The following GPHN variants were observed in gnomAD, a reference collection of about 807,000 sequenced individuals.
GPHN encodes gephyrin.
A neutral mutation model predicts 95.5 loss-of-function variants in GPHN; 17 were observed. The ratio of observed to expected loss-of-function variants is 0.18; its 90% CI spans 0.12 to 0.27. GPHN has a LOEUF of 0.27. Among genes scored for constraint, GPHN ranks in the 10% least tolerant of loss-of-function variants. The pLI, the probability that GPHN is intolerant of heterozygous loss-of-function variation, is 1.00. For missense variants in GPHN, 660 were observed against 978.1 expected (o/e 0.67, Z 4.34); for synonymous variants, 320 against 322.5 (o/e 0.99, Z 0.08).
chr14:66,667,744 C>G (rs2153382062), intron 1 of GPHN, among the ~76,000 whole-genome samples: 1 of 152,182 alleles, frequency 6.6e-6, no homozygotes, highest in Non-Finnish European at 1.5e-5. Context: ...TAGGTACTGG[C>G]AAAGATTTCA....
At chr14:67,189,437 G>T in the GPHN span, 25 of 152,308 alleles carry the variant, frequency 1.6e-4, no homozygotes, top group African/African-American at 5.5e-4. Flanking sequence ...TTACTAAGTG[G>T]TTAGTTGCCT....
chr14:67,294,690 T>G, the GPHN span: 3 of 152,058 alleles, frequency 2.0e-5, no homozygotes, highest in Non-Finnish European at 4.4e-5. Context: ...TTTTTTTTTT[T>G]GAGATGGAGT....
the GPHN span, among the ~76,000 whole-genome samples, chr14:67,664,660 C>T: frequency 6.6e-6 from 1 of 152,002 alleles, no homozygotes; most frequent in African/African-American, 2.4e-5. Flanking sequence ...CCATGCCCGG[C>T]TAATTTTTTT....
At chr14:66,752,928 A>T (rs965393908) in intron 2 of GPHN, among the ~76,000 whole-genome samples, 8 of 132,794 alleles carry the variant, frequency 6.0e-5, no homozygotes, top group Non-Finnish European at 9.0e-5. Flanking sequence ...AAGCAATAGG[A>T]GTGGTTAAAA....
At chr14:66,547,375 T>C (rs990704146) in intron 1 of GPHN, among the ~76,000 whole-genome samples, 1 of 152,254 alleles carries the variant, frequency 6.6e-6, no homozygotes, top group African/African-American at 2.4e-5. Context: ...GCAGGTCTTT[T>C]CTATTGATTA....
At chr14:66,601,716 C>A (rs1320450167) in intron 1 of GPHN, among the ~76,000 whole-genome samples, 1 of 149,056 alleles carries the variant, frequency 6.7e-6, no homozygotes, top group Non-Finnish European at 1.5e-5. Flanking sequence ...AATAGGACTG[C>A]AAATAGTGGG....
the GPHN span, among the ~76,000 whole-genome samples, chr14:67,238,935 G>C: frequency 6.6e-6 from 1 of 152,130 alleles, no homozygotes; most frequent in African/African-American, 2.4e-5. Flanking sequence ...AAGCCACCAT[G>C]CCAGGCCATA....
rs1567458131 is a variant in GPHN, at chr14:67,179,689, TC to T, written c.2176+16del. The T allele has an allele frequency of 7.9e-7, 1 of 1,269,516 alleles. No individual in the cohort carries two copies. The highest frequency in any genetic ancestry group is 1.2e-6 in the Non-Finnish European group (1 of 864,768). The allele number at this position is 1,269,516 out of a possible 1,614,324, so 78.6% of individuals were successfully genotyped here. On this transcript the variant is annotated intron_variant, in intron 22 of 22. Transcript: ENST00000478722. ...ACAGAGTACAGGTTAGTCATTCACA[TC>T]TACAGATATTCCTAGACACCTATCC...
intron 1 of GPHN, among the ~76,000 whole-genome samples, chr14:66,588,712 T>G (rs2061520148): frequency 6.6e-6 from 1 of 152,054 alleles, no homozygotes; most frequent in Admixed American, 6.6e-5. Flanking sequence ...GAAACAAGCC[T>G]CCAAGAAATA....
At chr14:66,722,689 C>A (rs569505802) in intron 2 of GPHN, among the ~76,000 whole-genome samples, 1 of 152,116 alleles carries the variant, frequency 6.6e-6, no homozygotes, top group African/African-American at 2.4e-5. Flanking sequence ...GTGATCCCCC[C>A]ACCTCTAATG....
chr14:67,017,105 G>C (rs116892905), intron 9 of GPHN, among the ~76,000 whole-genome samples: 2,643 of 152,148 alleles, frequency 0.017, 37 homozygotes, highest in Non-Finnish European at 0.026. Flanking sequence ...TCTTTATCAT[G>C]CTGCCTTTCA....
At chr14:67,637,410 C>CAAAAA in the GPHN span, among the ~76,000 whole-genome samples, 17 of 103,604 alleles carry the variant, frequency 1.6e-4, no homozygotes, top group Non-Finnish European at 2.5e-4. Context: ...GACTCTGTCT[C>CAAAAA]AAAAAAAAAA....
At chr14:67,170,339 G>A (rs1252168657) in intron 21 of GPHN, among the ~76,000 whole-genome samples, 1 of 152,036 alleles carries the variant, frequency 6.6e-6, no homozygotes, top group African/African-American at 2.4e-5. Flanking sequence ...TGAACAAAAA[G>A]TATTCTGATC....
intron 9 of GPHN, among the ~76,000 whole-genome samples, chr14:66,980,690 G>A (rs922563579): frequency 2.0e-5 from 3 of 152,100 alleles, no homozygotes; most frequent in Admixed American, 1.3e-4. Flanking sequence ...AATTATAAAT[G>A]TGTAATAAAA....
At chr14:67,095,935 T>TA (rs572077000) in intron 12 of GPHN, among the ~76,000 whole-genome samples, 1,645 of 29,398 alleles carry the variant, frequency 0.056, 18 homozygotes, top group Non-Finnish European at 0.079. Context: ...ATAATAATAA[T>TA]AAAAAAACAA....
chr14:66,850,869 A>G (rs1167285948), intron 4 of GPHN, among the ~76,000 whole-genome samples: 1 of 152,114 alleles, frequency 6.6e-6, no homozygotes, highest in Non-Finnish European at 1.5e-5. Flanking sequence ...AAAGATCTAG[A>G]TTTTTTAAAG....
At chr14:67,085,613 G>C (rs904253273) in intron 11 of GPHN, among the ~76,000 whole-genome samples, 2 of 152,184 alleles carry the variant, frequency 1.3e-5, no homozygotes, top group Non-Finnish European at 2.9e-5. Context: ...CAAGAACTTA[G>C]GGTGTAAAAG....
chr14:66,764,945 T>C (rs2058906730), intron 2 of GPHN, among the ~76,000 whole-genome samples: 1 of 152,182 alleles, frequency 6.6e-6, no homozygotes, highest in Admixed American at 6.5e-5. Flanking sequence ...TAGTTAAGCA[T>C]GTATGCACTT....
At chr14:67,355,868 G>T in the GPHN span, among the ~76,000 whole-genome samples, 1 of 151,946 alleles carries the variant, frequency 6.6e-6, no homozygotes, top group African/African-American at 2.4e-5. Flanking sequence ...GGCATGGTAG[G>T]GCACACCGGT....
Sources: allele counts gnomAD v4.1 joint callset (sites outside exome capture counted in the v4.1 genomes callset), GRCh38; gene constraint gnomAD v4.1.1; transcripts MANE v1.5; gene names NCBI Gene and HGNC (gene_info 2026-07-23, HGNC 2026-07-21).